Variants in PRDM2 observed in about 807,000 individuals in gnomAD.
PRDM2 encodes PR/SET domain 2, also known as PR domain zinc finger protein 2.
Under a neutral mutation model 130.0 loss-of-function variants are expected in PRDM2, and 30 were observed. The ratio of observed to expected loss-of-function variants is 0.23; its 90% CI spans 0.17 to 0.31. The LOEUF is 0.31. PRDM2 is among the 10% of genes least tolerant of loss of function. The pLI, the probability that PRDM2 is intolerant of heterozygous loss-of-function variation, is 1.00. For synonymous variants in PRDM2, 871 were observed against 782.4 expected (o/e 1.11, Z -1.89); for missense variants, 2,011 against 2,108.4 (o/e 0.95, Z 0.90).
At chr1:13,772,952 G>C in intron 6 of PRDM2, 126 bp from the exon 7 acceptor site, 1 of 577,894 alleles carries the variant, frequency 1.7e-6, no homozygotes. Flanking sequence ...AATTGCCCAG[G>C]AATATACAGT....
At chr1:13,735,076 A>G (rs1202450777) in intron 4 of PRDM2, among the ~76,000 whole-genome samples, 1 of 152,190 alleles carries the variant, frequency 6.6e-6, no homozygotes, top group Non-Finnish European at 1.5e-5. Context: ...AAAGCCCCTA[A>G]GACCAGCTTA....
chr1:13,802,091 T>C (rs1290905897), intron 8 of PRDM2, among the ~76,000 whole-genome samples: 2 of 152,112 alleles, frequency 1.3e-5, no homozygotes, highest in Non-Finnish European at 2.9e-5. Flanking sequence ...AGCAGAAAGG[T>C]AGAAGGCACA....
chr1:13,773,914 A>G lies in PRDM2; in HGVS notation c.622+726A>G, dbSNP rs564288242. 1.1e-4 allele frequency among the ~76,000 whole-genome samples: 17 copies of G among 152,330 alleles called. No individual in the cohort carries two copies. In the South Asian group the frequency reaches 3.5e-3, roughly 32 times the overall value. On this transcript the variant is annotated intron_variant, in intron 7 of 9. Coordinates refer to ENST00000311066, the MANE Select transcript of PRDM2 (RefSeq NM_001393986.1). ...ATTTTATCTTGCTATATACTCAACT[A>G]TTTGTACACTTTAATACATGTACGT...
At chr1:13,701,952 C>T (rs879435799) in intron 1 of PRDM2, among the ~76,000 whole-genome samples, 1 of 152,090 alleles carries the variant, frequency 6.6e-6, no homozygotes, top group Non-Finnish European at 1.5e-5. Flanking sequence ...GGGCCTGAAA[C>T]AGTACAGTTT....
chr1:13,801,168 T>G lies in PRDM2; in HGVS notation c.5037-15259T>G, dbSNP rs144646222. 7.2e-4 allele frequency among the ~76,000 whole-genome samples: 109 copies of G among 152,234 alleles called. 1 individual carries two copies. The highest frequency in any genetic ancestry group is 2.5e-3 in the African/African-American group (105 of 41,546). ...GACGTGAGCGAGGACTGAAGTGACATCCTATGGAGGGGGCAAGGGGAGGGT... is the reference window on the plus strand; with the variant it reads ...GACGTGAGCGAGGACTGAAGTGACAGCCTATGGAGGGGGCAAGGGGAGGGT... On this transcript the variant is annotated intron_variant, in intron 8 of 9. Coordinates refer to ENST00000311066, the MANE Select transcript of PRDM2 (RefSeq NM_001393986.1).
intron 5 of PRDM2, among the ~76,000 whole-genome samples, chr1:13,747,769 C>CAAAAAA (rs78988090): frequency 4.1e-5 from 2 of 48,388 alleles, no homozygotes; most frequent in Admixed American, 2.5e-4. Context: ...TCCCTCCCCG[C>CAAAAAA]AAAAAAAAAA....
chr1:13,734,954 C>G (rs1403005227), intron 4 of PRDM2, among the ~76,000 whole-genome samples: 1 of 152,138 alleles, frequency 6.6e-6, no homozygotes, highest in Non-Finnish European at 1.5e-5. Context: ...TAGTTTCCTA[C>G]TAACTTATTC....
At chr1:13,821,524 G>T (rs1049140291) in intron 9 of PRDM2, among the ~76,000 whole-genome samples, 4 of 151,516 alleles carry the variant, frequency 2.6e-5, no homozygotes. Context: ...GTGCAGTGGC[G>T]CAATCTCAGG....
intron 6 of PRDM2, among the ~76,000 whole-genome samples, chr1:13,763,432 T>A (rs1644149967): frequency 6.6e-6 from 1 of 152,216 alleles, no homozygotes; most frequent in Admixed American, 6.5e-5. Flanking sequence ...GTATTTTTAA[T>A]CCCTTTAAAG....
chr1:13,768,983 C>T (rs886721189), intron 6 of PRDM2: 2 of 284,488 alleles, frequency 7.0e-6, no homozygotes, highest in African/African-American at 2.3e-5. Context: ...TGTTTTCCTT[C>T]TGTTGTATTC....
intron 6 of PRDM2, among the ~76,000 whole-genome samples, chr1:13,761,286 C>G (rs1185192833): frequency 6.6e-6 from 1 of 152,194 alleles, no homozygotes; most frequent in Non-Finnish European, 1.5e-5. Context: ...AATTATCAGA[C>G]AGCCCTGAAA....
chr1:13,779,113 G>A lies in PRDM2; in HGVS notation c.1318G>A (p.Val440Ile), dbSNP rs1644547196. ...TGATGGCAAAGCATCTGGAGAAAAC[G>A]TTGCTTCAAAAGATGATTCGAGTCC... is the stretch of plus-strand genomic sequence containing the variant. ...LADGKASGEN[V>I]ASKDDSSPPS... The change falls in exon 8 of 10, where the codon GTT (valine) becomes ATT (isoleucine). Residue 440 changes from valine to isoleucine, a missense_variant. Coordinates refer to ENST00000311066, the MANE Select transcript of PRDM2 (RefSeq NM_001393986.1). This position sits in a 1 kb window ranked among gnomAD's most constrained non-coding sequence, Gnocchi z 4.9. 15 of 1,614,196 alleles carry A rather than the reference G, an allele frequency of 9.3e-6. No individual in the cohort carries two copies. Among genetic ancestry groups the A allele is most frequent in the African/African-American group, 4.0e-5 (3 of 75,044 alleles).
intron 9 of PRDM2, 131 bp from the exon 10 acceptor site, chr1:13,823,028 T>G: frequency 2.3e-6 from 2 of 880,314 alleles, no homozygotes; most frequent in Non-Finnish European, 3.6e-6. Context: ...AAGCTGTGCT[T>G]TTTGCTCTAT....
chr1:13,824,492 C>G lies in PRDM2; in HGVS notation c.*1357C>G, dbSNP rs549569869. 6.6e-6 allele frequency: 1 copy of G among 152,254 alleles called. No homozygotes were observed. The highest frequency in any genetic ancestry group is 2.1e-4 in the South Asian group (1 of 4,828). 9.4% of individuals were successfully genotyped at this position (152,254 alleles called of 1,614,324 possible). ...ATTTAATGAGTCAGTCAATCGGCTG[C>G]AGTATGGGATCTGATAAGGATCTAG... is the stretch of plus-strand genomic sequence containing the variant. On this transcript the variant is annotated 3_prime_UTR_variant, in exon 10 of 10. Coordinates refer to ENST00000311066, the MANE Select transcript of PRDM2 (RefSeq NM_001393986.1).
chr1:13,758,254 G>C (rs1644008134), intron 6 of PRDM2, among the ~76,000 whole-genome samples: 1 of 151,900 alleles, frequency 6.6e-6, no homozygotes, highest in Non-Finnish European at 1.5e-5. Flanking sequence ...GAACAGCCTG[G>C]ACAACATGGT....
chr1:13,716,012 C>T (rs754863547), intron 2 of PRDM2, among the ~76,000 whole-genome samples: 7 of 151,958 alleles, frequency 4.6e-5, no homozygotes, highest in African/African-American at 7.3e-5. Context: ...ATGTTTATTG[C>T]GGCATTATTC....
intron 6 of PRDM2, chr1:13,770,270 C>G: frequency 2.2e-6 from 1 of 460,352 alleles, no homozygotes; most frequent in South Asian, 1.6e-5. Context: ...CATTTAGTAT[C>G]AGCTAGGTGC....
intron 8 of PRDM2, among the ~76,000 whole-genome samples, chr1:13,795,356 C>A (rs953629287): frequency 1.7e-4 from 26 of 152,152 alleles, no homozygotes; most frequent in Middle Eastern, 3.2e-3. Context: ...GAAACCGAGG[C>A]ACAGGGAAGT....
At position 13,700,254 on chromosome 1, in the gene PRDM2, G is replaced by C. The variant is rs952350588; in HGVS notation, c.-112G>C. On this transcript the variant is annotated 5_prime_UTR_variant, in exon 1 of 10. Transcript: ENST00000311066. ...CGCCGGGGCCGGCGAAACAGCGGCGGCGGCGGCGGCCCTCGGTGCTCTGAG... is the reference window on the plus strand; with the variant it reads ...CGCCGGGGCCGGCGAAACAGCGGCGCCGGCGGCGGCCCTCGGTGCTCTGAG... 20 of 151,560 alleles carry C rather than the reference G, an allele frequency of 1.3e-4. No individual in the cohort carries two copies. The highest frequency in any genetic ancestry group is 1.2e-3 in the Admixed American group (18 of 15,068). The allele number at this position is 151,560 out of a possible 1,614,324, so 9.4% of individuals were successfully genotyped here.
Sources: allele counts gnomAD v4.1 joint callset (sites outside exome capture counted in the v4.1 genomes callset), GRCh38; gene constraint gnomAD v4.1.1; non-coding constraint Gnocchi (gnomAD v3.1); transcripts MANE v1.5; gene names NCBI Gene and HGNC (gene_info 2026-07-23, HGNC 2026-07-21).